Variants in ANKRD44 observed in about 807,000 individuals in gnomAD.
ANKRD44 encodes serine/threonine-protein phosphatase 6 regulatory ankyrin repeat subunit B.
Under a neutral mutation model 116.0 loss-of-function variants are expected in ANKRD44, and 35 were observed. That is an observed-to-expected ratio of 0.30 (90% CI 0.23 to 0.40). The LOEUF is 0.40. Among genes scored for constraint, ANKRD44 ranks in the 10% least tolerant of loss-of-function variants. The pLI is 1.00. For synonymous variants in ANKRD44, 435 were observed against 461.8 expected, an observed-to-expected ratio of 0.94 and a Z score of 0.74; for missense variants, 1,014 against 1,242.6, an observed-to-expected ratio of 0.82 and a Z score of 2.77.
At chr2:197,193,440 AT>A (rs1210147015) in intron 1 of ANKRD44, among the ~76,000 whole-genome samples, 3 of 152,208 alleles carry the variant, frequency 2.0e-5, no homozygotes, top group Non-Finnish European at 2.9e-5. Context: ...TAAAATGTTA[AT>A]TTTTATTGAC....
chr2:197,217,056 A>T (rs2081464226), intron 1 of ANKRD44, among the ~76,000 whole-genome samples: 1 of 152,196 alleles, frequency 6.6e-6, no homozygotes, highest in South Asian at 2.1e-4. Flanking sequence ...AAGATGAAAA[A>T]GGTTTGACTA....
chr2:197,222,975 G>C (rs1263870387), intron 1 of ANKRD44, among the ~76,000 whole-genome samples: 1 of 151,808 alleles, frequency 6.6e-6, no homozygotes, highest in Non-Finnish European at 1.5e-5. Context: ...ACCATGCCTG[G>C]CTACTTTTTG....
chr2:197,043,106 C>A (rs1239847291), intron 16 of ANKRD44, among the ~76,000 whole-genome samples: 5 of 152,188 alleles, frequency 3.3e-5, no homozygotes, highest in Non-Finnish European at 7.3e-5. Context: ...ACGATTCTCA[C>A]CCTAACCAGT....
chr2:197,139,811 T>C (rs2125402496), intron 3 of ANKRD44, among the ~76,000 whole-genome samples: 1 of 151,754 alleles, frequency 6.6e-6, no homozygotes, highest in South Asian at 2.1e-4. Flanking sequence ...TTATGTTTCT[T>C]AATGAAAATA....
At chr2:197,304,032 G>A (rs760672840) in intron 1 of ANKRD44, among the ~76,000 whole-genome samples, 9 of 152,244 alleles carry the variant, frequency 5.9e-5, no homozygotes, top group Non-Finnish European at 1.3e-4. Context: ...TAGGCCAGGT[G>A]TGGTGGCTTA....
At chr2:197,218,733 T>A (rs995803479) in intron 1 of ANKRD44, among the ~76,000 whole-genome samples, 2 of 144,902 alleles carry the variant, frequency 1.4e-5, no homozygotes, top group Non-Finnish European at 3.0e-5. Context: ...GACTTCCTGG[T>A]ATGGGAGGGT....
intron 1 of ANKRD44, among the ~76,000 whole-genome samples, chr2:197,275,120 T>G (rs1449963724): frequency 6.6e-6 from 1 of 151,868 alleles, no homozygotes; most frequent in African/African-American, 2.4e-5. Flanking sequence ...TTTCTCTTTT[T>G]TTTTTGGAGA....
intron 16 of ANKRD44, among the ~76,000 whole-genome samples, chr2:197,051,800 G>A (rs1227043615): frequency 1.3e-5 from 2 of 152,146 alleles, no homozygotes; most frequent in Non-Finnish European, 2.9e-5. Context: ...AGTGTCTGGA[G>A]TAAAAACGTT....
intron 17 of ANKRD44, among the ~76,000 whole-genome samples, chr2:197,022,716 T>C (rs926879305): frequency 6.6e-6 from 1 of 152,196 alleles, no homozygotes; most frequent in Admixed American, 6.5e-5. Flanking sequence ...AATAGCACCC[T>C]GGCCAGGTGC....
intron 21 of ANKRD44, among the ~76,000 whole-genome samples, chr2:196,980,134 T>C (rs1354262251): frequency 6.6e-6 from 1 of 152,232 alleles, no homozygotes; most frequent in Non-Finnish European, 1.5e-5. Context: ...GTGTTAGCTG[T>C]AACATCACAA....
chr2:197,301,833 A>C (rs1347020360), intron 1 of ANKRD44, among the ~76,000 whole-genome samples: 1 of 152,228 alleles, frequency 6.6e-6, no homozygotes, highest in South Asian at 2.1e-4. Flanking sequence ...CCTGTTATCT[A>C]TATCTTAGCC....
At chr2:197,092,379 T>C (rs764545251) in intron 10 of ANKRD44, among the ~76,000 whole-genome samples, 8 of 152,236 alleles carry the variant, frequency 5.3e-5, no homozygotes, top group Non-Finnish European at 8.8e-5. Flanking sequence ...TTTGGGTACA[T>C]ACATTTTATT....
chr2:197,146,879 C>T, intron 3 of ANKRD44, 148 bp downstream of exon 3: 2 of 544,732 alleles, frequency 3.7e-6, no homozygotes, highest in Non-Finnish European at 6.4e-6. Flanking sequence ...TTGCATTTTT[C>T]TTTGTGTAAT....
chr2:197,236,713 C>CA (rs71012964), intron 1 of ANKRD44, among the ~76,000 whole-genome samples: 35,935 of 104,948 alleles, frequency 0.34, 5,767 homozygotes, highest in African/African-American at 0.5. Context: ...ACAAACTACT[C>CA]AAAAAAAAAA....
chr2:197,269,853 T>C (rs1041476460), intron 1 of ANKRD44, among the ~76,000 whole-genome samples: 1 of 152,054 alleles, frequency 6.6e-6, no homozygotes, highest in African/African-American at 2.4e-5. Context: ...AAAGAACATG[T>C]AGGAATTTCC....
chr2:197,208,799 C>CA (rs530598962), intron 1 of ANKRD44, among the ~76,000 whole-genome samples: 66 of 150,436 alleles, frequency 4.4e-4, no homozygotes, highest in Admixed American at 1.8e-3. Context: ...GACTCTGTCT[C>CA]AAAAAAATAA....
chr2:197,180,286 C>A (rs1048186548), intron 2 of ANKRD44, among the ~76,000 whole-genome samples: 1 of 152,194 alleles, frequency 6.6e-6, no homozygotes, highest in Admixed American at 6.5e-5. Context: ...GATGTGTTTT[C>A]TTTGGCCTGC....
intron 3 of ANKRD44, among the ~76,000 whole-genome samples, chr2:197,140,094 G>A (rs903000227): frequency 5.1e-5 from 7 of 136,264 alleles, no homozygotes; most frequent in Middle Eastern, 3.9e-3. Context: ...TTTGGCCAGG[G>A]TGGTCTTGAA....
intron 1 of ANKRD44, among the ~76,000 whole-genome samples, chr2:197,306,620 T>C (rs1292139785): frequency 6.6e-6 from 1 of 152,228 alleles, no homozygotes; most frequent in Non-Finnish European, 1.5e-5. Context: ...AGCATACTGT[T>C]TGCTTTAACA....
Sources: gnomAD v4.1 joint callset for allele counts (sites outside exome capture counted in the v4.1 genomes callset) on GRCh38, gnomAD v4.1.1 for gene constraint, MANE v1.5 for transcripts, NCBI Gene and HGNC (gene_info 2026-07-23, HGNC 2026-07-21) for gene names.